Variants in PUM1 observed in about 807,000 individuals in gnomAD.
The protein encoded by PUM1 is pumilio RNA binding family member 1.
Under a neutral mutation model 131.8 loss-of-function variants are expected in PUM1, and 13 were observed. The ratio of observed to expected loss-of-function variants is 0.10; its 90% CI spans 0.06 to 0.16. The LOEUF is 0.16. PUM1 is among the 10% of genes least tolerant of loss of function. The pLI is 1.00. For missense variants in PUM1, 961 were observed against 1,512.4 expected (o/e 0.64, Z 6.05); for synonymous variants, 509 against 556.5 (o/e 0.91, Z 1.20).
chr1:30,954,091 T>C (rs565265875), intron 14 of PUM1, 110 bp from the exon 15 acceptor site: 14 of 1,184,924 alleles, frequency 1.2e-5, no homozygotes, highest in Non-Finnish European at 1.7e-5. Flanking sequence ...ATTTCTTCAA[T>C]GCTGTTGTTT....
At chr1:30,939,203 T>C (rs1639345784) in intron 20 of PUM1, among the ~76,000 whole-genome samples, 1 of 152,232 alleles carries the variant, frequency 6.6e-6, no homozygotes, top group African/African-American at 2.4e-5. Flanking sequence ...AAACTCAGAC[T>C]TCTGCTATGT....
intron 3 of PUM1, among the ~76,000 whole-genome samples, chr1:31,026,171 G>T (rs552314782): frequency 2.0e-5 from 3 of 151,706 alleles, no homozygotes; most frequent in Admixed American, 2.0e-4. Context: ...CAGGAGAACT[G>T]CTTGAACCCA....
intron 11 of PUM1, chr1:30,968,055 G>T: frequency 4.4e-6 from 2 of 450,226 alleles, no homozygotes; most frequent in Non-Finnish European, 8.6e-6. Context: ...AAACTAGCTT[G>T]GCCACTCCAT....
intron 14 of PUM1, among the ~76,000 whole-genome samples, chr1:30,960,358 T>C (rs986445945): frequency 1.3e-5 from 2 of 152,216 alleles, no homozygotes; most frequent in African/African-American, 2.4e-5. Context: ...TTTTGCAGCA[T>C]TTCAGATTTT....
intron 3 of PUM1, among the ~76,000 whole-genome samples, chr1:31,017,653 C>T (rs1258116257): frequency 6.6e-6 from 1 of 151,834 alleles, no homozygotes; most frequent in Non-Finnish European, 1.5e-5. Context: ...GTGAGTGAGA[C>T]AGTGCAAAGG....
At chr1:31,002,073 C>T (rs562400336) in intron 5 of PUM1, among the ~76,000 whole-genome samples, 1 of 152,100 alleles carries the variant, frequency 6.6e-6, no homozygotes, top group Non-Finnish European at 1.5e-5. Context: ...GCTACACAGC[C>T]GTATGAATTA....
At chr1:30,969,316 C>CAAAAAAAAAAA (rs763999971) in intron 10 of PUM1, among the ~76,000 whole-genome samples, 51 of 51,060 alleles carry the variant, frequency 1.0e-3, no homozygotes, top group East Asian at 2.0e-3. Context: ...AACACACACA[C>CAAAAAAAAAAA]AAAAAAAAAA....
chr1:30,955,112 A>G (rs1640100573), intron 14 of PUM1, among the ~76,000 whole-genome samples: 1 of 151,800 alleles, frequency 6.6e-6, no homozygotes, highest in Admixed American at 6.6e-5. Flanking sequence ...AAAACAAACA[A>G]ACAGAAAAAA....
intron 3 of PUM1, among the ~76,000 whole-genome samples, chr1:31,019,435 A>G (rs1418967217): frequency 6.6e-6 from 1 of 152,236 alleles, no homozygotes; most frequent in African/African-American, 2.4e-5. Context: ...CTACCATTAA[A>G]CTTCAAAACG....
Position 31,038,982 on chromosome 1 carries a change from A to ATTTTTTTTTTTT in PUM1, c.364-10119_364-10118insAAAAAAAAAAAA, listed in dbSNP as rs1172043445. 2.1e-4 allele frequency among the ~76,000 whole-genome samples: 6 copies of ATTTTTTTTTTTT among 27,976 alleles called. No homozygotes were observed. The East Asian group carries it at 4.2e-3, about 20-fold the overall frequency. The allele number at this position is 27,976 out of a possible 152,430, so 18.4% of individuals were successfully genotyped here. On this transcript the variant is annotated intron_variant, in intron 2 of 21. Transcript: ENST00000426105. The stretch of plus-strand genomic sequence containing the variant: ...TTTATATATATATATATATATATAT[A>ATTTTTTTTTTTT]TATTTTTTTTTTTTTTTTCCTTTTC...
rs563439804 is a variant in PUM1 at position 30,942,479 on chromosome 1, C to T, written c.2995-356G>A. On this transcript the variant is annotated intron_variant, in intron 18 of 21. Transcript: ENST00000426105. ...AACTGACAACCTCTCCAAAAGACAG[C>T]GCTAACAACAGAAAAGGGAAGGACT... Among the ~76,000 whole-genome samples the T allele has an allele frequency of 5.3e-5, 8 of 151,806 alleles. No individual in the cohort carries two copies. The East Asian group carries it at 9.7e-4, about 18-fold the overall frequency.
chr1:30,945,528 CAT>C (rs750581470), intron 17 of PUM1, 45 bp from the exon 18 acceptor site: 67 of 1,605,236 alleles, frequency 4.2e-5, no homozygotes, highest in Middle Eastern at 1.6e-4. Context: ...AGCAAGCAAA[CAT>C]GTGGACAAAT....
intron 5 of PUM1, among the ~76,000 whole-genome samples, chr1:30,999,630 A>C (rs1642129592): frequency 1.4e-5 from 2 of 148,008 alleles, no homozygotes; most frequent in Non-Finnish European, 3.0e-5. Context: ...AAAAAAAAAA[A>C]AAAAAAAAAA....
chr1:30,949,330 G>A, intron 17 of PUM1: 2 of 330,712 alleles, frequency 6.0e-6, no homozygotes, highest in Non-Finnish European at 1.2e-5. Flanking sequence ...AGCACACCCT[G>A]CCTGTGGGTC....
intron 17 of PUM1, among the ~76,000 whole-genome samples, chr1:30,949,496 C>T (rs555113546): frequency 5.4e-5 from 8 of 149,196 alleles, no homozygotes; most frequent in African/African-American, 2.0e-4. Context: ...CCCTGTCTAA[C>T]TCTTCTTTAG....
At chr1:30,941,798 ACTCCAGGGCTAG>A in intron 19 of PUM1, 188 bp downstream of exon 19, 1 of 498,318 alleles carries the variant, frequency 2.0e-6, no homozygotes, top group Non-Finnish European at 3.7e-6. Context: ...AGATCTCCTG[ACTCCAGGGCTAG>A]GGCTCAATTC....
chr1:30,976,912 GAAAT>G (rs1570181154), intron 9 of PUM1, among the ~76,000 whole-genome samples: 2 of 151,424 alleles, frequency 1.3e-5, no homozygotes, highest in South Asian at 2.1e-4. Flanking sequence ...GGCAGTTAAA[GAAAT>G]AAATAAGAGA....
intron 17 of PUM1, among the ~76,000 whole-genome samples, chr1:30,948,884 T>TTACTTATAC (rs1180916091): frequency 6.6e-6 from 1 of 152,240 alleles, no homozygotes; most frequent in African/African-American, 2.4e-5. Flanking sequence ...TTGCTTCTAA[T>TTACTTATAC]TACTTATACT....
intron 18 of PUM1, among the ~76,000 whole-genome samples, chr1:30,943,075 T>G (rs1017499451): frequency 6.6e-5 from 10 of 152,088 alleles, no homozygotes; most frequent in Non-Finnish European, 1.3e-4. Context: ...ACTTTATACA[T>G]GTAGCTTTAT....
Sources: allele counts gnomAD v4.1 joint callset (sites outside exome capture counted in the v4.1 genomes callset), GRCh38; gene constraint gnomAD v4.1.1; transcripts MANE v1.5; gene names NCBI Gene and HGNC (gene_info 2026-07-23, HGNC 2026-07-21).